PARD3: variants seen among roughly 807,000 people sequenced by gnomAD.
PARD3 encodes the protein par-3 family cell polarity regulator.
In PARD3, 75 loss-of-function variants were observed where a neutral mutation model predicts 155.4. That is an observed-to-expected ratio of 0.48 (90% CI 0.40 to 0.58). The LOEUF (loss-of-function observed/expected upper bound fraction) is 0.58. Among genes scored for constraint, PARD3 ranks in the 20% least tolerant of loss-of-function variants. The pLI is 0.00. For missense variants in PARD3, 1,642 were observed against 1,721.7 expected, an observed-to-expected ratio of 0.95 and a Z score of 0.82; for synonymous variants, 576 against 610.5, an observed-to-expected ratio of 0.94 and a Z score of 0.83.
chr10:34,707,949 C>A lies in PARD3; in HGVS notation c.121-11530G>T, dbSNP rs141616937. Among the ~76,000 whole-genome samples the A allele has an allele frequency of 9.7e-3, 1,481 of 152,258 alleles. 27 individuals carry two copies. Among genetic ancestry groups the A allele is most frequent in the African/African-American group, 0.033 (1,363 of 41,562 alleles). ...TGCCAGGAAATTTTTATGCAACAAA[C>A]AAAAGAATACCCATTTGGGAATTAC... On this transcript the variant is annotated intron_variant, in intron 1 of 24. Coordinates refer to ENST00000374788, the MANE Select transcript of PARD3 (RefSeq NM_001184785.2).
At chr10:34,406,511 A>G (rs1304548416) in intron 5 of PARD3, among the ~76,000 whole-genome samples, 1 of 152,122 alleles carries the variant, frequency 6.6e-6, no homozygotes, top group Non-Finnish European at 1.5e-5. Context: ...AAAAAAAGAA[A>G]CTAATAATTG....
At chr10:34,237,550 T>C (rs191040039) in intron 22 of PARD3, among the ~76,000 whole-genome samples, 2 of 152,220 alleles carry the variant, frequency 1.3e-5, no homozygotes, top group Non-Finnish European at 2.9e-5. Flanking sequence ...AATACTCATA[T>C]GTAAATTTCC....
intron 7 of PARD3, among the ~76,000 whole-genome samples, chr10:34,386,917 C>T (rs17473495): frequency 0.07 from 10,705 of 151,986 alleles, 477 homozygotes; most frequent in Non-Finnish European, 0.096. Context: ...ACTGGTACCA[C>T]TAGAACATGC....
At chr10:34,757,093 C>A (rs1028744214) in intron 1 of PARD3, among the ~76,000 whole-genome samples, 8 of 152,166 alleles carry the variant, frequency 5.3e-5, no homozygotes, top group African/African-American at 1.4e-4. Flanking sequence ...TTATCCAAAT[C>A]TGTTTTCGAA....
intron 2 of PARD3, among the ~76,000 whole-genome samples, chr10:34,605,090 T>C (rs1225456242): frequency 2.0e-5 from 3 of 151,998 alleles, no homozygotes; most frequent in Non-Finnish European, 2.9e-5. Flanking sequence ...GAAAATAATT[T>C]TGTTGTACAC....
In PARD3 at chr10:34,531,001, C is replaced by T. The variant is rs112661182; in HGVS notation, c.223-13842G>A. Among the ~76,000 whole-genome samples, 142 of 152,336 alleles carry T rather than the reference C, an allele frequency of 9.3e-4. 1 individual carries two copies. The highest frequency in any genetic ancestry group is 1.8e-3 in the Non-Finnish European group (122 of 68,032). On this transcript the variant is annotated intron_variant, in intron 2 of 24. Transcript: ENST00000374788. The stretch of plus-strand genomic sequence containing the variant: ...AGGGACAAAGTATCAATAGAACAAT[C>T]TGGAAAAGTGTTCCCAGTGTCCAGG...
chr10:34,682,625 G>A (rs2093865143), intron 2 of PARD3, among the ~76,000 whole-genome samples: 1 of 152,144 alleles, frequency 6.6e-6, no homozygotes, highest in Non-Finnish European at 1.5e-5. Flanking sequence ...GGGAGGCTGA[G>A]GCAGGAGGCT....
At chr10:34,370,807 G>GGTGTGTGTGTGTGTGT (rs3040369) in intron 12 of PARD3, among the ~76,000 whole-genome samples, 3 of 145,568 alleles carry the variant, frequency 2.1e-5, no homozygotes, top group Admixed American at 6.9e-5. Context: ...ATACAAATGG[G>GGTGTGTGTGTGTGTGT]GTGTGTGTGT....
chr10:34,123,811 T>C (rs1032936405), intron 23 of PARD3, among the ~76,000 whole-genome samples: 2 of 152,008 alleles, frequency 1.3e-5, no homozygotes, highest in Non-Finnish European at 2.9e-5. Flanking sequence ...TAGAAAAAAA[T>C]GAAAATACAA....
At position 34,450,311 on chromosome 10, in the gene PARD3, T is replaced by C; in HGVS notation, c.714+6A>G. On this transcript the variant is annotated splice_donor_region_variant and intron_variant, in intron 5 of 24. Transcript: ENST00000374788. ...ATGACGCACATATAAGGATTTGTCA[T>C]GTTACCTGTTCTTGTTTCTCCAGCC... 2.5e-6 allele frequency: 4 copies of C among 1,612,292 alleles called. No homozygotes were observed. The highest frequency in any genetic ancestry group is 3.4e-6 in the Non-Finnish European group (4 of 1,179,386).
chr10:34,217,166 C>T (rs1471161092), intron 22 of PARD3, among the ~76,000 whole-genome samples: 3 of 151,984 alleles, frequency 2.0e-5, no homozygotes, highest in African/African-American at 7.3e-5. Context: ...TAGACATCAA[C>T]ATCTCGGTGG....
At chr10:34,339,925 A>G (rs1382402037) in intron 16 of PARD3, among the ~76,000 whole-genome samples, 3 of 152,114 alleles carry the variant, frequency 2.0e-5, no homozygotes, top group Non-Finnish European at 4.4e-5. Context: ...CCATATCCTG[A>G]CCCCTAATGT....
intron 2 of PARD3, among the ~76,000 whole-genome samples, chr10:34,528,519 T>C (rs1469591798): frequency 6.6e-6 from 1 of 152,114 alleles, no homozygotes; most frequent in Admixed American, 6.5e-5. Flanking sequence ...CTGGGCTCAG[T>C]AGTGATAGGT....
chr10:34,682,706 A>T (rs958888586), intron 2 of PARD3, among the ~76,000 whole-genome samples: 10 of 152,076 alleles, frequency 6.6e-5, no homozygotes, highest in African/African-American at 2.4e-4. Context: ...TGGGTGACAG[A>T]CCAAGACCCA....
At chr10:34,521,308 G>A (rs1288944889) in intron 2 of PARD3, among the ~76,000 whole-genome samples, 2 of 147,738 alleles carry the variant, frequency 1.4e-5, no homozygotes, top group East Asian at 2.0e-4. Flanking sequence ...TGTTAAACTG[G>A]GAAAGATATA....
At chr10:34,344,731 G>A (rs1837222814) in intron 15 of PARD3, 1 of 985,260 alleles carries the variant, frequency 1.0e-6, no homozygotes, top group Admixed American at 6.2e-5. Context: ...CCATGATTGT[G>A]GAAATTCTGT....
chr10:34,607,940 C>G (rs1350090599), intron 2 of PARD3, among the ~76,000 whole-genome samples: 3 of 152,196 alleles, frequency 2.0e-5, no homozygotes. Context: ...TTTTGAAGCT[C>G]TGTTGTCAAT....
chr10:34,487,941 G>A (rs114243312), intron 3 of PARD3, among the ~76,000 whole-genome samples: 84 of 152,236 alleles, frequency 5.5e-4, no homozygotes, highest in African/African-American at 2.0e-3. Flanking sequence ...TTTGACATTT[G>A]TCTTCTATTA....
chr10:34,351,713 G>A (rs1345445702), intron 14 of PARD3, among the ~76,000 whole-genome samples: 1 of 152,242 alleles, frequency 6.6e-6, no homozygotes, highest in Non-Finnish European at 1.5e-5. Context: ...GAAAGCCCAT[G>A]CTTTTATTGT....
Sources: allele counts gnomAD v4.1 joint callset (sites outside exome capture counted in the v4.1 genomes callset), GRCh38; gene constraint gnomAD v4.1.1; transcripts MANE v1.5; gene names NCBI Gene and HGNC (gene_info 2026-07-23, HGNC 2026-07-21).